SORCS1: variants seen among roughly 807,000 people sequenced by gnomAD.
SORCS1 encodes the protein VPS10 domain-containing receptor SorCS1.
In SORCS1, 60 loss-of-function variants were observed where a neutral mutation model predicts 146.1. The observed-to-expected ratio is 0.41, with a 90% confidence interval of 0.33 to 0.51. SORCS1 has a LOEUF of 0.51. SORCS1 is among the 20% of genes least tolerant of loss of function. The pLI is 0.21. For missense variants in SORCS1, 1,352 were observed against 1,487.6 expected (o/e 0.91, Z 1.50); for synonymous variants, 637 against 584.0 (o/e 1.09, Z -1.31).
intron 1 of SORCS1, among the ~76,000 whole-genome samples, chr10:107,035,575 A>G (rs1363172722): frequency 6.6e-6 from 1 of 152,144 alleles, no homozygotes; most frequent in Admixed American, 6.5e-5. Context: ...CTGGAGCTCC[A>G]CGGTCAATCA....
At chr10:106,812,028 T>A (rs894725062) in intron 3 of SORCS1, among the ~76,000 whole-genome samples, 2 of 152,050 alleles carry the variant, frequency 1.3e-5, no homozygotes, top group East Asian at 1.9e-4. Flanking sequence ...TGAGATGGAG[T>A]CTAGCTCTGT....
chr10:106,754,255 T>C (rs946948900), intron 5 of SORCS1, among the ~76,000 whole-genome samples: 2 of 152,126 alleles, frequency 1.3e-5, no homozygotes, highest in African/African-American at 2.4e-5. Context: ...TTGGAGTGAA[T>C]TGGGAAGATA....
In SORCS1 at chr10:106,970,874, G is replaced by T. The variant is rs570391585; in HGVS notation, c.559-14294C>A. Among the ~76,000 whole-genome samples the T allele has an allele frequency of 7.3e-5, 11 of 150,748 alleles. No individual in the cohort carries two copies. In the South Asian group the frequency reaches 2.3e-3, roughly 32 times the overall value. On this transcript the variant is annotated intron_variant, in intron 1 of 25. Coordinates refer to ENST00000263054, the MANE Select transcript of SORCS1 (RefSeq NM_052918.5). The stretch of plus-strand genomic sequence containing the variant: ...CTGACTCAGCCTCCCAAGTAGCTGG[G>T]ATTACAGGCACCCGCCACCATGCAC...
chr10:107,071,977 A>G (rs1205897076), intron 1 of SORCS1, among the ~76,000 whole-genome samples: 1 of 152,216 alleles, frequency 6.6e-6, no homozygotes, highest in Non-Finnish European at 1.5e-5. Context: ...AACTCTGAAG[A>G]TGGGATGCAG....
chr10:106,861,164 G>C (rs1450300254), intron 2 of SORCS1, among the ~76,000 whole-genome samples: 1 of 152,100 alleles, frequency 6.6e-6, no homozygotes, highest in East Asian at 1.9e-4. Flanking sequence ...TTGGGAGGCC[G>C]AGGCAGGCAG....
intron 1 of SORCS1, among the ~76,000 whole-genome samples, chr10:107,051,976 G>A (rs760195712): frequency 1.3e-5 from 2 of 152,114 alleles, no homozygotes; most frequent in Non-Finnish European, 2.9e-5. Context: ...TACTGGTGTT[G>A]CACAGAACTG....
chr10:107,083,932 T>A (rs940675702), intron 1 of SORCS1, among the ~76,000 whole-genome samples: 1 of 152,118 alleles, frequency 6.6e-6, no homozygotes, highest in Admixed American at 6.6e-5. Flanking sequence ...GGAATGCTGT[T>A]GGATATTCAC....
chr10:106,767,902 C>T (rs1201455482), intron 4 of SORCS1, among the ~76,000 whole-genome samples: 1 of 152,172 alleles, frequency 6.6e-6, no homozygotes, highest in Non-Finnish European at 1.5e-5. Context: ...TATTAAATAG[C>T]ACAATTGTGC....
At chr10:106,742,353 C>T (rs868737972) in intron 5 of SORCS1, among the ~76,000 whole-genome samples, 1 of 152,056 alleles carries the variant, frequency 6.6e-6, no homozygotes, top group African/African-American at 2.4e-5. Context: ...TTTTATAACA[C>T]CTTGTACATA....
rs757755413 is a variant in SORCS1, at chr10:106,652,485, T to C, written c.2372A>G (p.Lys791Arg). 3.1e-6 allele frequency: 5 copies of C among 1,614,154 alleles called. No individual in the cohort carries two copies. In the South Asian group the frequency reaches 5.5e-5, roughly 18 times the overall value. Residue 791 changes from lysine (K) to arginine (R), a missense_variant, in exon 18 of 26, where the codon AAG becomes AGG. Around this residue, in one of 3 missense-constraint regions of SORCS1, gnomAD observed 648 missense variants for 793.8 expected, o/e 0.82. Coordinates refer to ENST00000263054, the MANE Select transcript of SORCS1 (RefSeq NM_052918.5). ...VREQYTAKPQ[K>R]CPGKAPRGLR... ...CCCCCGCGGGGCTTTCCCTGGGCACTTCTGCGGTTTGGCAGTGTACTGTTC... is the reference window on the plus strand; with the variant it reads ...CCCCCGCGGGGCTTTCCCTGGGCACCTCTGCGGTTTGGCAGTGTACTGTTC...
At position 106,577,494 on chromosome 10, in the gene SORCS1, A is replaced by G. The variant is rs1249445338; in HGVS notation, c.3433T>C (p.Leu1145=). ...GGAGTGGCGTGTCTTGCTCTTTGCAATCGGAGAGATGAGTCACCAGGTTGA... is the reference window on the plus strand; with the variant it reads ...GGAGTGGCGTGTCTTGCTCTTTGCAGTCGGAGAGATGAGTCACCAGGTTGA... The part of the protein sequence containing the change: ...STQPGDSSLR[L]QRARHATPPS... The change falls in exon 26 of 26, where the codon TTG becomes CTG. Residue 1145 remains leucine (L), a synonymous_variant. Coordinates refer to ENST00000263054, the MANE Select transcript of SORCS1 (RefSeq NM_052918.5). 5.8e-6 allele frequency: 9 copies of G among 1,547,854 alleles called. No individual in the cohort carries two copies. The highest frequency in any genetic ancestry group is 2.5e-5 in the East Asian group (1 of 40,134).
chr10:106,857,249 G>A (rs1411759590), intron 2 of SORCS1, among the ~76,000 whole-genome samples: 2 of 152,298 alleles, frequency 1.3e-5, no homozygotes, highest in South Asian at 4.1e-4. Context: ...CTTCGGTAAG[G>A]CTTTAGAAAG....
intron 1 of SORCS1, among the ~76,000 whole-genome samples, chr10:107,023,477 A>T (rs1055487109): frequency 8.5e-5 from 13 of 152,340 alleles, no homozygotes; most frequent in South Asian, 2.1e-4. Flanking sequence ...AATCCCATAA[A>T]CATGTGCTAG....
chr10:106,940,161 T>G (rs1953960907), intron 2 of SORCS1, among the ~76,000 whole-genome samples: 1 of 152,242 alleles, frequency 6.6e-6, no homozygotes, highest in African/African-American at 2.4e-5. Flanking sequence ...AATTAATATC[T>G]GTCACCTCCC....
At chr10:106,799,265 A>C (rs1946746936) in intron 3 of SORCS1, among the ~76,000 whole-genome samples, 1 of 152,194 alleles carries the variant, frequency 6.6e-6, no homozygotes, top group Non-Finnish European at 1.5e-5. Context: ...CAGACCTAAA[A>C]CCATAAAAAC....
Position 106,670,869 on chromosome 10 carries a change from T to C in SORCS1, c.2189+368A>G, listed in dbSNP as rs565591497. On this transcript the variant is annotated intron_variant, in intron 16 of 25. Coordinates refer to ENST00000263054, the MANE Select transcript of SORCS1 (RefSeq NM_052918.5). The stretch of plus-strand genomic sequence containing the variant: ...CCACTATGCCCAGCTAATTTTTCTA[T>C]TTTTAGTAGGGACGGGGTTTTACCA... 4.1e-4 allele frequency among the ~76,000 whole-genome samples: 63 copies of C among 152,090 alleles called. 1 individual carries two copies. The highest frequency in any genetic ancestry group is 1.5e-3 in the African/African-American group (61 of 41,482).
chr10:106,929,644 T>C lies in SORCS1; in HGVS notation c.626+26869A>G, dbSNP rs180672767. Among the ~76,000 whole-genome samples the C allele has an allele frequency of 2.0e-5, 3 of 152,340 alleles. No individual in the cohort carries two copies. In the East Asian group the frequency reaches 5.8e-4, roughly 29 times the overall value. ...TTTTCCCTCCATTGTTTTAGTAGCC[T>C]GAGTTTATGGGAAATCAAACTTCGT... On this transcript the variant is annotated intron_variant, in intron 2 of 25. Transcript: ENST00000263054.
In SORCS1 at chr10:106,644,996, C is replaced by A. The variant is rs78869565; in HGVS notation, c.2475+7386G>T. On this transcript the variant is annotated intron_variant, in intron 18 of 25. Transcript: ENST00000263054. ...ATGAGTATATACTTAAAAGTGGAAA[C>A]GCTGGGACATAGGTGGTATACATGT... is the stretch of plus-strand genomic sequence containing the variant. 3.3e-5 allele frequency among the ~76,000 whole-genome samples: 5 copies of A among 152,104 alleles called. No individual in the cohort carries two copies. The East Asian group carries it at 9.7e-4, about 29-fold the overall frequency.
chr10:106,851,337 A>G (rs543678651), intron 2 of SORCS1, among the ~76,000 whole-genome samples: 7 of 152,184 alleles, frequency 4.6e-5, no homozygotes, highest in Non-Finnish European at 8.8e-5. Flanking sequence ...TTTTACATTT[A>G]GGTCTATGAT....
Sources: gnomAD v4.1 joint callset for allele counts (sites outside exome capture counted in the v4.1 genomes callset) on GRCh38, gnomAD v4.1.1 for gene constraint, gnomAD v4.1.1 regional missense constraint, MANE v1.5 for transcripts, NCBI Gene and HGNC (gene_info 2026-07-23, HGNC 2026-07-21) for gene names.